EIF4E: variants seen among roughly 807,000 people sequenced by gnomAD.
The protein encoded by EIF4E is eIF-4F 25 kDa subunit.
For missense variants in EIF4E, 113 were observed against 265.6 expected (o/e 0.43, Z 3.99); for synonymous variants, 71 against 88.5 (o/e 0.80, Z 1.11).
intron 2 of EIF4E, chr4:98,895,467 G>A (rs1161930859): frequency 1.3e-5 from 2 of 152,138 alleles, no homozygotes; most frequent in Non-Finnish European, 2.9e-5. Context: ...CAGTCAAAGG[G>A]AAATTTCATT....
intron 2 of EIF4E, 58 bp from the exon 3 acceptor site, chr4:98,891,390 C>T: frequency 6.7e-7 from 1 of 1,495,278 alleles, no homozygotes; most frequent in Non-Finnish European, 9.2e-7. Context: ...TTAAAAGCAA[C>T]ATTATTCACA....
chr4:98,926,960 A>G (rs752492072), intron 1 of EIF4E, among the ~76,000 whole-genome samples: 7 of 152,248 alleles, frequency 4.6e-5, no homozygotes, highest in African/African-American at 1.7e-4. Context: ...GAAACCTCAC[A>G]GAACTCCTTA....
intron 1 of EIF4E, among the ~76,000 whole-genome samples, chr4:98,926,843 T>C (rs1725890071): frequency 6.6e-6 from 1 of 152,236 alleles, no homozygotes; most frequent in Non-Finnish European, 1.5e-5. Flanking sequence ...GAGCTATTAA[T>C]ATTTACTAAC....
At chr4:98,923,560 C>A (rs1560657082) in intron 1 of EIF4E, among the ~76,000 whole-genome samples, 1 of 152,158 alleles carries the variant, frequency 6.6e-6, no homozygotes, top group Non-Finnish European at 1.5e-5. Context: ...GATCCTCCTG[C>A]CTTTGTCTCC....
At chr4:98,912,015 G>A (rs1188419436) in intron 1 of EIF4E, among the ~76,000 whole-genome samples, 1 of 151,976 alleles carries the variant, frequency 6.6e-6, no homozygotes, top group Non-Finnish European at 1.5e-5. Flanking sequence ...AGCACTTTGG[G>A]AGGTCGAGGC....
At chr4:98,922,326 G>A (rs7684964) in intron 1 of EIF4E, among the ~76,000 whole-genome samples, 19,609 of 152,080 alleles carry the variant, frequency 0.13, 1,430 homozygotes, top group African/African-American at 0.19. Flanking sequence ...GGGAGGCTGA[G>A]GTGGGCGGAT....
chr4:98,916,776 G>T (rs1725398414), intron 1 of EIF4E, among the ~76,000 whole-genome samples: 1 of 151,988 alleles, frequency 6.6e-6, no homozygotes, highest in Non-Finnish European at 1.5e-5. Context: ...AATATTCAAG[G>T]CCTCAAAAAT....
chr4:98,909,213 A>G (rs897933527), intron 1 of EIF4E, among the ~76,000 whole-genome samples: 1 of 152,240 alleles, frequency 6.6e-6, no homozygotes, highest in Non-Finnish European at 1.5e-5. Flanking sequence ...GCACAGCAGG[A>G]CACTAAATAC....
At chr4:98,920,313 T>C (rs1725588022) in intron 1 of EIF4E, among the ~76,000 whole-genome samples, 2 of 152,264 alleles carry the variant, frequency 1.3e-5, no homozygotes, top group African/African-American at 2.4e-5. Context: ...TTTCTTTTTT[T>C]TTTTTGAGAC....
chr4:98,894,638 G>C (rs1018235306), intron 2 of EIF4E, among the ~76,000 whole-genome samples: 8 of 152,202 alleles, frequency 5.3e-5, no homozygotes, highest in Middle Eastern at 3.2e-3. Flanking sequence ...TGTCATAAGG[G>C]AATGTTGTAG....
At chr4:98,894,934 G>A (rs1247040193) in intron 2 of EIF4E, among the ~76,000 whole-genome samples, 2 of 152,208 alleles carry the variant, frequency 1.3e-5, no homozygotes, top group Non-Finnish European at 2.9e-5. Flanking sequence ...AGAGGCCACT[G>A]TAGGGCTATT....
At chr4:98,884,695 G>A (rs566385270) in intron 6 of EIF4E, among the ~76,000 whole-genome samples, 3 of 151,970 alleles carry the variant, frequency 2.0e-5, no homozygotes, top group Non-Finnish European at 4.4e-5. Flanking sequence ...ACAACAGAGT[G>A]AGACTCTATC....
Position 98,897,475 on chromosome 4 carries a change from G to A in EIF4E, c.125+4401C>T, listed in dbSNP as rs190780826. Among the ~76,000 whole-genome samples, 20 of 152,096 alleles carry A rather than the reference G, an allele frequency of 1.3e-4. No homozygotes were observed. In the East Asian group the frequency reaches 2.1e-3, roughly 16 times the overall value. On this transcript the variant is annotated intron_variant, in intron 2 of 6. Transcript: ENST00000450253. ...AATCCCAGCTACTTGGGAGGCAGAC[G>A]CATGAGAATGAACCCAGGAGGCGGA...
chr4:98,920,304 T>C lies in EIF4E; in HGVS notation c.18+8791A>G, dbSNP rs558930344. Among the ~76,000 whole-genome samples the C allele has an allele frequency of 1.1e-4, 17 of 152,142 alleles. No homozygotes were observed. In the South Asian group the frequency reaches 3.5e-3, roughly 32 times the overall value. On this transcript the variant is annotated intron_variant, in intron 1 of 6. Transcript: ENST00000450253. ...GTAATACATGTTAAAACATTCTTTT[T>C]TCTTTTTTTTTTTTGAGACGGAGTT...
intron 1 of EIF4E, among the ~76,000 whole-genome samples, chr4:98,911,113 G>T (rs999829896): frequency 2.0e-5 from 3 of 151,226 alleles, no homozygotes; most frequent in Non-Finnish European, 2.9e-5. Flanking sequence ...GCAGTGGCGC[G>T]ATCTCGGCTC....
At chr4:98,898,918 AAGTG>A (rs1289546887) in intron 2 of EIF4E, among the ~76,000 whole-genome samples, 1 of 152,086 alleles carries the variant, frequency 6.6e-6, no homozygotes, top group Non-Finnish European at 1.5e-5. Flanking sequence ...ACATCCACGC[AAGTG>A]ACTACTATGC....
chr4:98,885,518 G>A (rs1480028491), intron 5 of EIF4E, among the ~76,000 whole-genome samples: 1 of 152,112 alleles, frequency 6.6e-6, no homozygotes, highest in Non-Finnish European at 1.5e-5. Context: ...GATCATCACA[G>A]CTCACTGCAG....
intron 2 of EIF4E, among the ~76,000 whole-genome samples, chr4:98,896,203 T>TAA (rs1461542063): frequency 6.6e-6 from 1 of 150,876 alleles, no homozygotes; most frequent in African/African-American, 2.5e-5. Context: ...TCCAATAAAA[T>TAA]AAAATAAAAT....
chr4:98,899,054 T>TAA (rs545359007), intron 2 of EIF4E, among the ~76,000 whole-genome samples: 2 of 138,370 alleles, frequency 1.4e-5, no homozygotes, highest in Admixed American at 7.2e-5. Context: ...TAAAGACCTC[T>TAA]AAAAAAAAAA....
Sources: gnomAD v4.1 joint callset for allele counts (sites outside exome capture counted in the v4.1 genomes callset) on GRCh38, gnomAD v4.1.1 for gene constraint, MANE v1.5 for transcripts, NCBI Gene and HGNC (gene_info 2026-07-23, HGNC 2026-07-21) for gene names.